Variants in PLS1 observed in about 807,000 individuals in gnomAD.
PLS1 encodes the protein plastin-1.
A neutral mutation model predicts 73.7 loss-of-function variants in PLS1; 32 were observed. That is an observed-to-expected ratio of 0.43 (90% CI 0.33 to 0.58). The LOEUF is 0.58. Among genes scored for constraint, PLS1 ranks in the 20% least tolerant of loss-of-function variants. The pLI, the probability that PLS1 is intolerant of heterozygous loss-of-function variation, is 0.04. For synonymous variants in PLS1, 217 were observed against 261.3 expected (o/e 0.83, Z 1.63); for missense variants, 633 against 740.5 (o/e 0.85, Z 1.68).
intron 1 of PLS1, among the ~76,000 whole-genome samples, chr3:142,651,476 A>C (rs982502826): frequency 2.0e-5 from 3 of 151,348 alleles, no homozygotes; most frequent in African/African-American, 4.9e-5. Context: ...AAAAAAAAAA[A>C]AAAAAAAAAA....
chr3:142,664,457 T>A (rs2037434913), intron 2 of PLS1, 150 bp downstream of exon 2: 1 of 522,576 alleles, frequency 1.9e-6, no homozygotes, highest in African/African-American at 1.9e-5. Context: ...GGATTCTTTC[T>A]TTCTGAAAGA....
At chr3:142,659,754 T>TG (rs755975100) in intron 1 of PLS1, among the ~76,000 whole-genome samples, 20 of 151,824 alleles carry the variant, frequency 1.3e-4, no homozygotes, top group Non-Finnish European at 2.8e-4. Flanking sequence ...TGGAGTGCAA[T>TG]GGCGTGATCT....
intron 12 of PLS1, among the ~76,000 whole-genome samples, chr3:142,701,170 A>G (rs2038324351): frequency 6.6e-6 from 1 of 152,192 alleles, no homozygotes; most frequent in African/African-American, 2.4e-5. Context: ...CTTACCTTGC[A>G]TAGGTTCTTC....
chr3:142,627,495 A>C (rs897262229), intron 1 of PLS1, among the ~76,000 whole-genome samples: 8 of 152,046 alleles, frequency 5.3e-5, no homozygotes, highest in African/African-American at 1.9e-4. Flanking sequence ...TCTCAGGAAA[A>C]TTTTTGTCAG....
At chr3:142,603,966 G>A (rs543561450) in intron 1 of PLS1, among the ~76,000 whole-genome samples, 60 of 151,954 alleles carry the variant, frequency 3.9e-4, no homozygotes, top group African/African-American at 1.4e-3. Context: ...AAGGTTTTGG[G>A]GTGTCACTGA....
At chr3:142,677,281 ATTTC>A (rs1484119758) in intron 5 of PLS1, among the ~76,000 whole-genome samples, 1 of 152,148 alleles carries the variant, frequency 6.6e-6, no homozygotes, top group East Asian at 1.9e-4. Flanking sequence ...TTCTTGGAGA[ATTTC>A]TTTGTTTTAG....
intron 1 of PLS1, among the ~76,000 whole-genome samples, chr3:142,607,119 C>T (rs577476533): frequency 1.3e-5 from 2 of 152,128 alleles, no homozygotes; most frequent in Admixed American, 1.3e-4. Flanking sequence ...TAAATTATGG[C>T]CGTTTTAATA....
In PLS1 at chr3:142,698,379, C is replaced by T. The variant is rs2038255777; in HGVS notation, c.1371+312C>T. The T allele has an allele frequency of 2.6e-5, 5 of 190,662 alleles. No individual in the cohort carries two copies. The South Asian group carries it at 5.9e-4, about 22-fold the overall frequency. The allele number at this position is 190,662 out of a possible 1,614,324, so 11.8% of individuals were successfully genotyped here. ...TCTGAATGTTTATTGGTTATCCACT[C>T]ATTTATTCAACAGATATTTATCAAT... On this transcript the variant is annotated intron_variant, in intron 12 of 15. Coordinates refer to ENST00000457734, the MANE Select transcript of PLS1 (RefSeq NM_001145319.2).
At position 142,678,091 on chromosome 3, in the gene PLS1, A is replaced by C. The variant is rs2037760698; in HGVS notation, c.557A>C (p.Lys186Thr). The C allele has an allele frequency of 6.5e-7, 1 of 1,541,526 alleles. No individual in the cohort carries two copies. Among genetic ancestry groups the C allele is most frequent in the Admixed American group, 1.9e-5 (1 of 52,766 alleles). ...TIDERAINKK[K>T]LTPFTISENL... ...GATGAAAGAGCCATCAATAAGAAAA[A>C]GCTCACGCCATTCACTATTTCTGTA... Residue 186 changes from lysine to threonine, a missense_variant, in exon 6 of 16, where the codon AAG (lysine) becomes ACG (threonine). Coordinates refer to ENST00000457734, the MANE Select transcript of PLS1 (RefSeq NM_001145319.2).
At chr3:142,636,330 C>T (rs929174248) in intron 1 of PLS1, among the ~76,000 whole-genome samples, 3 of 152,118 alleles carry the variant, frequency 2.0e-5, no homozygotes, top group Non-Finnish European at 4.4e-5. Flanking sequence ...GATGCAAATG[C>T]AATTCAGTGG....
intron 1 of PLS1, among the ~76,000 whole-genome samples, chr3:142,599,320 ATTCTTTTTTTTTT>A (rs1186036879): frequency 5.8e-5 from 8 of 137,246 alleles, no homozygotes; most frequent in South Asian, 2.2e-4. Context: ...GGACTCAGAT[ATTCTTTTTTTTTT>A]TTTTTTTTTT....
intron 4 of PLS1, among the ~76,000 whole-genome samples, chr3:142,672,712 T>A (rs1015235043): frequency 1.3e-5 from 2 of 152,192 alleles, no homozygotes; most frequent in African/African-American, 4.8e-5. Context: ...ATATAACTAT[T>A]CTCTAGAAAA....
rs538378370 is a variant in PLS1 at position 142,657,258 on chromosome 3, C to T, written c.-36-6944C>T. The T allele has an allele frequency of 3.3e-5, 5 of 152,380 alleles. No homozygotes were observed. The South Asian group carries it at 1.0e-3, about 32-fold the overall frequency. 9.4% of individuals were successfully genotyped at this position (152,380 alleles called of 1,614,324 possible). A position where few individuals can be genotyped will look rare whatever the true frequency, so the allele number is the denominator to read the frequency against. ...TGCTGGCACCTAGAGATTTCCCTTC[C>T]TCCCTGTGGGGGCAATCTTTCCCTC... On this transcript the variant is annotated intron_variant, in intron 1 of 15. Transcript: ENST00000457734.
intron 12 of PLS1, among the ~76,000 whole-genome samples, chr3:142,702,145 C>T (rs141814302): frequency 1.3e-5 from 2 of 152,204 alleles, no homozygotes; most frequent in African/African-American, 4.8e-5. Context: ...CAGCCTTGAA[C>T]TCCTGCCCTT....
At chr3:142,672,639 G>A (rs563204585) in intron 4 of PLS1, among the ~76,000 whole-genome samples, 1 of 152,162 alleles carries the variant, frequency 6.6e-6, no homozygotes, top group Admixed American at 6.5e-5. Context: ...CACCACACCA[G>A]GCTGAAGTGT....
chr3:142,616,665 C>T (rs1344381322), intron 1 of PLS1, among the ~76,000 whole-genome samples: 3 of 152,098 alleles, frequency 2.0e-5, no homozygotes, highest in African/African-American at 4.8e-5. Context: ...TACAGTGGCA[C>T]GATCTCAGCT....
At chr3:142,660,154 G>GA (rs973340915) in intron 1 of PLS1, among the ~76,000 whole-genome samples, 7 of 151,292 alleles carry the variant, frequency 4.6e-5, no homozygotes, top group Admixed American at 3.9e-4. Context: ...ACAGTTTCAG[G>GA]AAAAAAAAGG....
intron 1 of PLS1, among the ~76,000 whole-genome samples, chr3:142,662,655 A>T (rs1226713492): frequency 6.6e-6 from 1 of 152,222 alleles, no homozygotes; most frequent in East Asian, 1.9e-4. Flanking sequence ...CACAGAATAA[A>T]CATGGAGAAG....
intron 1 of PLS1, among the ~76,000 whole-genome samples, chr3:142,622,727 G>A (rs1340492656): frequency 5.9e-5 from 9 of 152,134 alleles, no homozygotes; most frequent in Admixed American, 5.2e-4. Flanking sequence ...ACTATAACCC[G>A]TGGGGCATCT....
Sources: allele counts gnomAD v4.1 joint callset (sites outside exome capture counted in the v4.1 genomes callset), GRCh38; gene constraint gnomAD v4.1.1; transcripts MANE v1.5; gene names NCBI Gene and HGNC (gene_info 2026-07-23, HGNC 2026-07-21).